Variants in APC observed in about 807,000 individuals in gnomAD.
APC encodes APC regulator of Wnt signaling pathway.
Under a neutral mutation model 247.0 loss-of-function variants are expected in APC, and 72 were observed. That is an observed-to-expected ratio of 0.29 (90% CI 0.24 to 0.35). APC has a LOEUF of 0.35. Among genes scored for constraint, APC ranks in the 10% least tolerant of loss-of-function variants. The pLI is 1.00. For missense variants in APC, 3,400 were observed against 3,360.7 expected, an observed-to-expected ratio of 1.01 and a Z score of -0.29; for synonymous variants, 1,254 against 1,162.5, an observed-to-expected ratio of 1.08 and a Z score of -1.60.
chr5:112,826,785 T>C (rs1044283471), intron 11 of APC, among the ~76,000 whole-genome samples: 2 of 152,136 alleles, frequency 1.3e-5, no homozygotes, highest in African/African-American at 4.8e-5. Context: ...CACGAAGAAC[T>C]AGTGTTAGAA....
chr5:112,715,379 A>G (rs576586884), intron 1 of APC, among the ~76,000 whole-genome samples: 24 of 152,318 alleles, frequency 1.6e-4, no homozygotes, highest in Non-Finnish European at 2.8e-4. Flanking sequence ...ATCTTGAAAT[A>G]GAATAAAATA....
intron 5 of APC, 74 bp from the exon 6 acceptor site, chr5:112,780,716 T>C: frequency 9.6e-7 from 1 of 1,037,078 alleles, no homozygotes; most frequent in Non-Finnish European, 1.5e-6. Context: ...TTATTGGTTC[T>C]TATATGCTTT....
intron 1 of APC, among the ~76,000 whole-genome samples, chr5:112,725,770 A>G (rs1751740535): frequency 6.6e-6 from 1 of 152,168 alleles, no homozygotes; most frequent in Non-Finnish European, 1.5e-5. Flanking sequence ...AAAAAACCCA[A>G]AGCACCACAT....
At position 112,829,310 on chromosome 5, in the gene APC, T is replaced by A. The variant is rs1764069190; in HGVS notation, c.1743+338T>A. 3 of 263,404 alleles carry A rather than the reference T, an allele frequency of 1.1e-5. No individual in the cohort carries two copies. In the South Asian group the frequency reaches 1.3e-4, roughly 11 times the overall value. The allele number at this position is 263,404 out of a possible 1,614,324, so 16.3% of individuals were successfully genotyped here. ...ACGCCACCACTCCCGGCTATTTGTA[T>A]TTTTAGTAGAGATGGGGTTTCACCA... On this transcript the variant is annotated intron_variant, in intron 14 of 15. Transcript: ENST00000257430.
At chr5:112,807,448 G>T (rs1016361773) in intron 8 of APC, among the ~76,000 whole-genome samples, 1 of 151,368 alleles carries the variant, frequency 6.6e-6, no homozygotes, top group African/African-American at 2.4e-5. Context: ...ACTTACTCTT[G>T]TCATTTAATA....
At position 112,843,038 on chromosome 5, in the gene APC, C is replaced by G. The variant is rs786203532; in HGVS notation, c.7444C>G (p.Pro2482Ala). ...ASPTRSQAQT[P>A]VLSPSLPDMS... The stretch of plus-strand genomic sequence containing the variant: ...TCCCACTAGGTCCCAGGCACAAACT[C>G]CAGTTTTAAGTCCTTCCCTTCCTGA... The change falls in exon 16 of 16, where the codon CCA becomes GCA. Residue 2482 changes from proline to alanine, a missense_variant. Pro to Ala is a conservative substitution (Grantham distance 27). Around this residue, in one of 9 missense-constraint regions of APC, gnomAD observed 1,788 missense variants for 1,649.5 expected, o/e 1.08. Coordinates refer to ENST00000257430, the MANE Select transcript of APC (RefSeq NM_000038.6). The surrounding 1 kb of genome is among the most constrained non-coding windows in gnomAD (Gnocchi z 4.8). 6.2e-7 allele frequency: 1 copy of G among 1,613,758 alleles called. No homozygotes were observed.
At chr5:112,721,888 C>T (rs1751501563) in intron 1 of APC, among the ~76,000 whole-genome samples, 1 of 151,878 alleles carries the variant, frequency 6.6e-6, no homozygotes, top group Middle Eastern at 3.4e-3. Flanking sequence ...AAAAAAATTG[C>T]AGGAAAAAAA....
chr5:112,821,187 C>T (rs1291385004), intron 10 of APC, among the ~76,000 whole-genome samples: 1 of 151,954 alleles, frequency 6.6e-6, no homozygotes, highest in Non-Finnish European at 1.5e-5. Flanking sequence ...TTTTAACCCA[C>T]ACTCATGATA....
In APC at chr5:112,766,401, C is replaced by A. The variant is rs767741687; in HGVS notation, c.211C>A (p.Arg71Ser). Residue 71 changes from arginine (R) to serine (S), a missense_variant, in exon 3 of 16, where the codon CGT becomes AGT. Arg to Ser is a moderately radical substitution (Grantham distance 110). Transcript: ENST00000257430. ...ASSGQIDLLE[R>S]LKELNLDSSN... The stretch of plus-strand genomic sequence containing the variant: ...TTCTGGACAGATTGATTTATTAGAG[C>A]GTCTTAAAGGTAGATTTTAAAAAGG... The A allele has an allele frequency of 3.7e-6, 6 of 1,607,360 alleles. No homozygotes were observed. The highest frequency in any genetic ancestry group is 1.7e-5 in the Admixed American group (1 of 59,956).
intron 5 of APC, among the ~76,000 whole-genome samples, chr5:112,779,054 A>G (rs761413788): frequency 1.4e-4 from 21 of 152,202 alleles, no homozygotes; most frequent in Middle Eastern, 3.2e-3. Flanking sequence ...TTAAGTGCTC[A>G]TTCTCCTAGA....
At chr5:112,765,505 AC>A (rs1291475200) in intron 2 of APC, among the ~76,000 whole-genome samples, 1 of 152,220 alleles carries the variant, frequency 6.6e-6, no homozygotes, top group Non-Finnish European at 1.5e-5. Flanking sequence ...TTTACAGATT[AC>A]TTTTCTTATA....
At chr5:112,762,115 A>C (rs1158749880) in intron 2 of APC, among the ~76,000 whole-genome samples, 1 of 152,234 alleles carries the variant, frequency 6.6e-6, no homozygotes, top group African/African-American at 2.4e-5. Context: ...TCAAAAAGAA[A>C]GATAAATGGC....
chr5:112,818,822 T>G, intron 9 of APC, 144 bp from the exon 10 acceptor site: 13 of 899,032 alleles, frequency 1.4e-5, no homozygotes, highest in Middle Eastern at 3.4e-4. Flanking sequence ...TGGAAAGGTT[T>G]TCCGGTTTTT....
chr5:112,766,256 C>T (rs1426319276), intron 2 of APC, 70 bp from the exon 3 acceptor site: 2 of 1,166,190 alleles, frequency 1.7e-6, no homozygotes, highest in Non-Finnish European at 2.6e-6. Context: ...ACTTAAATGT[C>T]AAGAAATACA....
At chr5:112,795,586 C>A (rs1483158475) in intron 7 of APC, among the ~76,000 whole-genome samples, 1 of 152,156 alleles carries the variant, frequency 6.6e-6, no homozygotes, top group African/African-American at 2.4e-5. Context: ...ATAACACACA[C>A]CCCTATCACT....
At chr5:112,727,444 C>T (rs568167827) in intron 1 of APC, among the ~76,000 whole-genome samples, 125 of 152,230 alleles carry the variant, frequency 8.2e-4, no homozygotes, top group African/African-American at 2.8e-3. Flanking sequence ...GAACAAAAGT[C>T]TTTTGACCCA....
chr5:112,775,707 A>C lies in APC; in HGVS notation c.501A>C (p.Lys167Asn), dbSNP rs1561478295. 1 of 1,596,702 alleles carries C rather than the reference A, an allele frequency of 6.3e-7. No individual in the cohort carries two copies. The highest frequency in any genetic ancestry group is 8.5e-7 in the Non-Finnish European group (1 of 1,170,238). Residue 167 changes from lysine to asparagine, a missense_variant, in exon 5 of 16, where the codon AAA (lysine) becomes AAC (asparagine). This residue lies in a region of APC where 372 missense variants were observed against 367.6 expected (regional missense o/e 1.01). Transcript: ENST00000257430. ...ACGCTCAACTTCAGAATCTCACTAA[A>C]AGAATAGATAGTCTTCCTTTAACTG... ...WYYAQLQNLT[K>N]RIDSLPLTEN...
At chr5:112,712,011 A>T (rs1358580742) in intron 1 of APC, among the ~76,000 whole-genome samples, 1 of 152,214 alleles carries the variant, frequency 6.6e-6, no homozygotes, top group African/African-American at 2.4e-5. Flanking sequence ...GATTAAACAA[A>T]CATAGATCAT....
chr5:112,731,886 C>T (rs990939786), intron 1 of APC, among the ~76,000 whole-genome samples: 4 of 152,110 alleles, frequency 2.6e-5, no homozygotes, highest in Non-Finnish European at 2.9e-5. Flanking sequence ...CTCAGCATCC[C>T]GAGTATCTGG....
Sources: gnomAD v4.1 joint callset for allele counts (sites outside exome capture counted in the v4.1 genomes callset) on GRCh38, gnomAD v4.1.1 for gene constraint, gnomAD v4.1.1 regional missense constraint, Gnocchi (gnomAD v3.1) non-coding constraint, MANE v1.5 for transcripts, NCBI Gene and HGNC (gene_info 2026-07-23, HGNC 2026-07-21) for gene names.